Variants in ACO1 observed in about 807,000 individuals in gnomAD.
ACO1 encodes aconitase 1, also known as cytoplasmic aconitate hydratase.
In ACO1, 78 loss-of-function variants were observed where a neutral mutation model predicts 105.1. The observed-to-expected ratio is 0.74, with a 90% confidence interval of 0.62 to 0.90. The LOEUF is 0.90. Among genes scored for constraint, ACO1 ranks in the 40% least tolerant of loss-of-function variants. The pLI is 0.00. For synonymous variants in ACO1, 364 were observed against 397.4 expected, an observed-to-expected ratio of 0.92 and a Z score of 1.00; for missense variants, 965 against 1,111.1, an observed-to-expected ratio of 0.87 and a Z score of 1.87.
chr9:32,448,694 A>C (rs1336113571), intron 19 of ACO1, among the ~76,000 whole-genome samples: 1 of 152,162 alleles, frequency 6.6e-6, no homozygotes, highest in African/African-American at 2.4e-5. Context: ...CCCACTGTCC[A>C]ACCAGTCCCA....
At chr9:32,430,321 C>T (rs765074267) in intron 13 of ACO1, 97 bp from the exon 14 acceptor site, 116 of 1,281,276 alleles carry the variant, frequency 9.1e-5, no homozygotes, top group Non-Finnish European at 1.1e-4. Context: ...GCTTAAAGGA[C>T]TGTATCCTTG....
Position 32,424,582 on chromosome 9 carries a change from T to G in ACO1, c.1105T>G (p.Cys369Gly). 1 of 1,614,038 alleles carries G rather than the reference T, an allele frequency of 6.2e-7. No homozygotes were observed. Among genetic ancestry groups the G allele is most frequent in the Non-Finnish European group, 8.5e-7 (1 of 1,179,940 alleles). ...VELDLKTVVP[C>G]CSGPKRPQDK... ...ATTAGATTTGAAAACAGTAGTGCCTTGCTGTAGTGGACCCAAAAGGCCTCA... is the reference window on the plus strand; with the variant it reads ...ATTAGATTTGAAAACAGTAGTGCCTGGCTGTAGTGGACCCAAAAGGCCTCA... The change falls in exon 10 of 21, where the codon TGC (cysteine) becomes GGC (glycine). Residue 369 changes from cysteine (C) to glycine (G), a missense_variant. Transcript: ENST00000309951.
chr9:32,385,030 G>A (rs1821127344), intron 1 of ACO1, among the ~76,000 whole-genome samples: 1 of 152,250 alleles, frequency 6.6e-6, no homozygotes, highest in Admixed American at 6.5e-5. Context: ...TCCTTGCCTA[G>A]GGTGTGCGGC....
At chr9:32,425,782 C>G in intron 10 of ACO1, 56 bp from the exon 11 acceptor site, 1 of 1,255,746 alleles carries the variant, frequency 8.0e-7, no homozygotes. Context: ...TAGCCAGATA[C>G]ATGTATATCT....
intron 8 of ACO1, among the ~76,000 whole-genome samples, chr9:32,422,732 A>G (rs1822001884): frequency 6.6e-6 from 1 of 152,214 alleles, no homozygotes; most frequent in South Asian, 2.1e-4. Flanking sequence ...GCTGTGTTAC[A>G]TGAGAAAGTT....
At chr9:32,384,944 C>T (rs140118603) in intron 1 of ACO1, among the ~76,000 whole-genome samples, 91 of 152,318 alleles carry the variant, frequency 6.0e-4, no homozygotes, top group Non-Finnish European at 9.1e-4. Context: ...TATGTCATGC[C>T]GGGGAGAGAA....
Position 32,450,708 on chromosome 9 carries a change from C to A in ACO1, c.*597C>A, listed in dbSNP as rs938348814. 6.6e-6 allele frequency: 1 copy of A among 151,984 alleles called. No homozygotes were observed. Among genetic ancestry groups the A allele is most frequent in the Non-Finnish European group, 1.5e-5 (1 of 68,046 alleles). The allele number at this position is 151,984 out of a possible 1,614,324, so 9.4% of individuals were successfully genotyped here. ...TTTGATTATGTACCTTTTGATAGAT[C>A]CACATAAAAAGAAATGTGAAGTTTT... On this transcript the variant is annotated 3_prime_UTR_variant, in exon 21 of 21. Coordinates refer to ENST00000309951, the MANE Select transcript of ACO1 (RefSeq NM_002197.3).
chr9:32,399,004 A>G (rs906633491), intron 1 of ACO1, among the ~76,000 whole-genome samples: 1 of 152,240 alleles, frequency 6.6e-6, no homozygotes, highest in African/African-American at 2.4e-5. Context: ...GATTTTGTCC[A>G]TGATTTAAGA....
Position 32,418,330 on chromosome 9 carries a change from G to A in ACO1, c.477G>A (p.Trp159Ter). The A allele has an allele frequency of 6.2e-7, 1 of 1,614,070 alleles. No individual in the cohort carries two copies. The highest frequency in any genetic ancestry group is 1.3e-5 in the African/African-American group (1 of 75,030). ...RNRERFEFLK[W>*]GSQAFHNMRI... Reference sequence around the variant, plus strand: ...TTCTTTCCATTTGTCAATCCCAGTGGGGTTCCCAGGCTTTTCACAACATGC... The same window carrying A: ...TTCTTTCCATTTGTCAATCCCAGTGAGGTTCCCAGGCTTTTCACAACATGC... The change falls in exon 6 of 21, where the codon TGG (tryptophan) becomes TGA (stop). Residue 159 changes from tryptophan to a stop codon, truncating the protein, a stop_gained and splice_region_variant. Coordinates refer to ENST00000309951, the MANE Select transcript of ACO1 (RefSeq NM_002197.3). LOFTEE classifies it high-confidence loss of function.
intron 19 of ACO1, among the ~76,000 whole-genome samples, 184 bp from the exon 20 acceptor site, chr9:32,448,712 G>A (rs896596155): frequency 6.6e-6 from 1 of 152,190 alleles, no homozygotes; most frequent in Non-Finnish European, 1.5e-5. Flanking sequence ...CCAATGAGAT[G>A]AACCGGGTAC....
At chr9:32,413,941 A>G (rs1478835272) in intron 4 of ACO1, among the ~76,000 whole-genome samples, 1 of 151,998 alleles carries the variant, frequency 6.6e-6, no homozygotes, top group African/African-American at 2.4e-5. Flanking sequence ...TGAGGTCAGG[A>G]GATCAAGACC....
At position 32,419,140 on chromosome 9, in the gene ACO1, T is replaced by TGGTAACATCC. The variant is rs2118462875; in HGVS notation, c.762_771dup (p.Thr258GlyfsTer5). 1 of 1,605,776 alleles carries TGGTAACATCC rather than the reference T, an allele frequency of 6.2e-7. No individual in the cohort carries two copies. The highest frequency in any genetic ancestry group is 2.3e-5 in the East Asian group (1 of 44,214). Reference sequence around the variant, plus strand: ...AGGCTGATGGGGAAGCCCCACCCTCTGGTAACATCCACTGACATCGTGCTC... The same window carrying TGGTAACATCC: ...AGGCTGATGGGGAAGCCCCACCCTCTGGTAACATCCGGTAACATCCACTGACATCGTGCTC... On this transcript the variant is annotated frameshift_variant, in exon 7 of 21. Coordinates refer to ENST00000309951, the MANE Select transcript of ACO1 (RefSeq NM_002197.3). LOFTEE classifies it high-confidence loss of function.
intron 4 of ACO1, among the ~76,000 whole-genome samples, chr9:32,409,662 GC>G (rs761135124): frequency 1.3e-5 from 2 of 151,914 alleles, no homozygotes; most frequent in Admixed American, 6.6e-5. Flanking sequence ...ACCAGCCTGG[GC>G]AACACAGGAA....
At chr9:32,443,862 C>G (rs936698233) in intron 19 of ACO1, among the ~76,000 whole-genome samples, 1 of 152,074 alleles carries the variant, frequency 6.6e-6, no homozygotes, top group East Asian at 1.9e-4. Context: ...ACTTTAAGTT[C>G]TGGGGTACAT....
Position 32,418,357 on chromosome 9 carries a change from G to A in ACO1, c.504G>A (p.Arg168=). The A allele has an allele frequency of 6.2e-7, 1 of 1,614,176 alleles. No homozygotes were observed. Among genetic ancestry groups the A allele is most frequent in the Non-Finnish European group, 8.5e-7 (1 of 1,180,030 alleles). The change falls in exon 6 of 21, where the codon CGG becomes CGA. Residue 168 remains arginine (R), a synonymous_variant. Coordinates refer to ENST00000309951, the MANE Select transcript of ACO1 (RefSeq NM_002197.3). ...KWGSQAFHNM[R]IIPPGSGIIH... ...GTTCCCAGGCTTTTCACAACATGCG[G>A]ATTATTCCCCCTGGCTCAGGAATCA... is the stretch of plus-strand genomic sequence containing the variant.
rs1822246226 is a variant in ACO1 at position 32,431,827 on chromosome 9, T to TC, written c.1836dup (p.Tyr613LeufsTer9). 1 of 1,613,920 alleles carries TC rather than the reference T, an allele frequency of 6.2e-7. No individual in the cohort carries two copies. The highest frequency in any genetic ancestry group is 1.3e-5 in the African/African-American group (1 of 74,888). On this transcript the variant is annotated frameshift_variant, in exon 15 of 21. Transcript: ENST00000309951. LOFTEE classifies it high-confidence loss of function. Reference sequence around the variant, plus strand: ...GTCATCCCGGGGATGTTTAAGGAAGTCTATCAGAAAATAGAGGTGAGGTCC... The same window carrying TC: ...GTCATCCCGGGGATGTTTAAGGAAGTCCTATCAGAAAATAGAGGTGAGGTCC...
intron 8 of ACO1, among the ~76,000 whole-genome samples, chr9:32,421,321 T>C (rs776615153): frequency 9.2e-5 from 14 of 152,216 alleles, no homozygotes; most frequent in Non-Finnish European, 1.8e-4. Context: ...TGGTTACTGC[T>C]GCCTATGGGG....
chr9:32,411,918 C>T (rs1821747471), intron 4 of ACO1, among the ~76,000 whole-genome samples: 1 of 151,964 alleles, frequency 6.6e-6, no homozygotes, highest in Admixed American at 6.6e-5. Context: ...TCACTCTGTT[C>T]CCTAGACCGG....
Position 32,450,164 on chromosome 9 carries a change from G to A in ACO1, c.*53G>A, listed in dbSNP as rs577358548. On this transcript the variant is annotated 3_prime_UTR_variant, in exon 21 of 21. Transcript: ENST00000309951. The stretch of plus-strand genomic sequence containing the variant: ...GGAGGAAGCCGCACCACCAGCCAGC[G>A]CAGGCCCTGGTGGAGAGGCCTCCCT... 8.5e-5 allele frequency: 125 copies of A among 1,468,474 alleles called. No individual in the cohort carries two copies. Among genetic ancestry groups the A allele is most frequent in the Admixed American group, 2.3e-4 (14 of 59,688 alleles). The allele number at this position is 1,468,474 out of a possible 1,614,324, so 91.0% of individuals were successfully genotyped here.
Sources: gnomAD v4.1 joint callset for allele counts (sites outside exome capture counted in the v4.1 genomes callset) on GRCh38, gnomAD v4.1.1 for gene constraint, MANE v1.5 for transcripts, NCBI Gene and HGNC (gene_info 2026-07-23, HGNC 2026-07-21) for gene names.